The following COL17A1 variants were observed in gnomAD, a reference collection of about 807,000 sequenced individuals.
COL17A1 encodes collagen alpha-1(XVII) chain.
In COL17A1, 181 loss-of-function variants were observed where a neutral mutation model predicts 218.4. That is an observed-to-expected ratio of 0.83 (90% CI 0.73 to 0.94). The LOEUF is 0.94. COL17A1 is among the 40% of genes least tolerant of loss of function. COL17A1 has a pLI of 0.00. For synonymous variants in COL17A1, 721 were observed against 731.0 expected (o/e 0.99, Z 0.22); for missense variants, 1,924 against 1,945.9 (o/e 0.99, Z 0.21).
chr10:104,063,829 A>G lies in COL17A1; in HGVS notation c.767-11T>C, dbSNP rs769394739. 25 of 1,613,996 alleles carry G rather than the reference A, an allele frequency of 1.5e-5. No homozygotes were observed. Among genetic ancestry groups the G allele is most frequent in the South Asian group, 9.9e-5 (9 of 91,086 alleles). ...TTGGAACTCCGAAGACTGCAGGGGCAAGGAGGAAGGCTGGTGAGAGGGACA... is the reference window on the plus strand; with the variant it reads ...TTGGAACTCCGAAGACTGCAGGGGCGAGGAGGAAGGCTGGTGAGAGGGACA... On this transcript the variant is annotated splice_polypyrimidine_tract_variant and intron_variant, in intron 10 of 55. Coordinates refer to ENST00000648076, the MANE Select transcript of COL17A1 (RefSeq NM_000494.4).
At chr10:104,070,853 A>G (rs1564684974) in intron 8 of COL17A1, among the ~76,000 whole-genome samples, 1 of 152,158 alleles carries the variant, frequency 6.6e-6, no homozygotes, top group Non-Finnish European at 1.5e-5. Context: ...ACATCACAGG[A>G]ATGATTCTGT....
intron 33 of COL17A1, 104 bp from the exon 34 acceptor site, chr10:104,043,964 G>A: frequency 8.0e-7 from 1 of 1,249,784 alleles, no homozygotes; most frequent in Non-Finnish European, 1.2e-6. Flanking sequence ...CCACTTCTGG[G>A]CCTCTCACCA....
Position 104,039,796 on chromosome 10 carries a change from G to A in COL17A1, c.2789-156C>T, listed in dbSNP as rs11191904. ...CACACACACACACACACACACACACGCACACGCACACTTGCACTACACCCA... is the reference window on the plus strand; with the variant it reads ...CACACACACACACACACACACACACACACACGCACACTTGCACTACACCCA... On this transcript the variant is annotated intron_variant, in intron 41 of 55. Transcript: ENST00000648076. Among the ~76,000 whole-genome samples the A allele has an allele frequency of 0.04, 5,114 of 127,918 alleles. 109 individuals are homozygous for A. The highest frequency in any genetic ancestry group is 0.047 in the Non-Finnish European group (2,945 of 62,732). The allele number at this position is 127,918 out of a possible 152,430, so 83.9% of individuals were successfully genotyped here.
At chr10:104,050,690 C>T in intron 26 of COL17A1, 34 bp from the exon 27 acceptor site, 1 of 1,614,128 alleles carries the variant, frequency 6.2e-7, no homozygotes, top group Non-Finnish European at 8.5e-7. Context: ...GTGTAAAATG[C>T]CCTACAAGGG....
At chr10:104,049,592 G>C in intron 28 of COL17A1, 121 bp from the exon 29 acceptor site, 1 of 1,016,344 alleles carries the variant, frequency 9.8e-7, no homozygotes, top group Non-Finnish European at 1.5e-6. Context: ...TCCAAGGTCA[G>C]GGCCACTTGG....
intron 18 of COL17A1, 43 bp from the exon 19 acceptor site, chr10:104,055,444 T>TCA (rs1554849247): frequency 0.12 from 127,447 of 1,091,834 alleles, 1,600 homozygotes; most frequent in South Asian, 0.15. Context: ...ACATCTCCTG[T>TCA]CACACACACA....
Position 104,040,343 on chromosome 10 carries a change from GT to G in COL17A1, c.2761+7del, listed in dbSNP as rs2086346071. 1.9e-6 allele frequency: 3 copies of G among 1,597,120 alleles called. No individual in the cohort carries two copies. The highest frequency in any genetic ancestry group is 2.6e-6 in the Non-Finnish European group (3 of 1,164,576). On this transcript the variant is annotated splice_region_variant and intron_variant, in intron 40 of 55. Transcript: ENST00000648076. ...TGGCTTCTGGGTTCCCTGATACACT[GT>G]TCTCACCTTGGTCTCCCTTGGGACC... is the stretch of plus-strand genomic sequence containing the variant.
chr10:104,042,138 C>T (rs777219281), intron 36 of COL17A1, among the ~76,000 whole-genome samples: 10 of 152,290 alleles, frequency 6.6e-5, no homozygotes, highest in South Asian at 2.1e-4. Flanking sequence ...AACCCACAGA[C>T]GGTTGTCATT....
chr10:104,073,618 A>G (rs2086685642), intron 6 of COL17A1, among the ~76,000 whole-genome samples: 1 of 152,220 alleles, frequency 6.6e-6, no homozygotes, highest in African/African-American at 2.4e-5. Flanking sequence ...CGAGACTGCC[A>G]TGGTTTCCCC....
chr10:104,060,410 T>C, intron 13 of COL17A1, 130 bp from the exon 14 acceptor site: 1 of 1,296,976 alleles, frequency 7.7e-7, no homozygotes, highest in Non-Finnish European at 1.1e-6. Context: ...TGTATGAGGG[T>C]CTCTTGTTCT....
chr10:104,073,862 T>C, intron 6 of COL17A1: 1 of 355,226 alleles, frequency 2.8e-6, no homozygotes, highest in Non-Finnish European at 5.4e-6. Context: ...GGGAGGCCTC[T>C]GTGCATCTCA....
intron 24 of COL17A1, among the ~76,000 whole-genome samples, chr10:104,051,870 C>T (rs2086472804): frequency 1.3e-5 from 2 of 152,152 alleles, no homozygotes; most frequent in Admixed American, 1.3e-4. Flanking sequence ...CTTCTGATTT[C>T]CTGAATGATC....
chr10:104,083,056 G>A lies in COL17A1; in HGVS notation c.-11-2372C>T, dbSNP rs115435765. Among the ~76,000 whole-genome samples, 530 of 152,330 alleles carry A rather than the reference G, an allele frequency of 3.5e-3. 8 individuals are homozygous for A. Among genetic ancestry groups the A allele is most frequent in the African/African-American group, 0.012 (490 of 41,570 alleles). ...TTCCACAGCCAATCTGAGGTGCCAG[G>A]TACGTGTTGGGAGACTGATTCCTTT... On this transcript the variant is annotated intron_variant, in intron 1 of 55. Coordinates refer to ENST00000648076, the MANE Select transcript of COL17A1 (RefSeq NM_000494.4).
intron 24 of COL17A1, 138 bp downstream of exon 24, chr10:104,052,017 A>T: frequency 1.7e-6 from 2 of 1,155,936 alleles, no homozygotes; most frequent in South Asian, 1.2e-5. Context: ...TGCTCTTTGG[A>T]CCCACCCACC....
intron 54 of COL17A1, 43 bp from the exon 55 acceptor site, chr10:104,032,797 G>A (rs1253160411): frequency 6.2e-7 from 1 of 1,610,542 alleles, no homozygotes; most frequent in Non-Finnish European, 8.5e-7. Context: ...ACATGAGTCT[G>A]GGGACTGAGG....
chr10:104,080,544 T>C, intron 2 of COL17A1, 78 bp downstream of exon 2: 3 of 1,514,386 alleles, frequency 2.0e-6, no homozygotes, highest in Non-Finnish European at 9.0e-7. Flanking sequence ...GAATTATTAA[T>C]GAATTACTTA....
At position 104,041,485 on chromosome 10, in the gene COL17A1, C is replaced by T; in HGVS notation, c.2605G>A (p.Gly869Arg). 6.2e-7 allele frequency: 1 copy of T among 1,609,868 alleles called. No homozygotes were observed. ...TTCCAAAGGTCTCCAAGATACTCAC[C>T]TGGTGGCCCGCGTGGGCCGGGTGGG... ...PGPPGPRGPP[G>R]PSIPGPPGPR... The change falls in exon 37 of 56, where the codon GGG becomes AGG. Residue 869 changes from glycine to arginine, a missense_variant and splice_region_variant. Gly to Arg is a moderately radical substitution (Grantham distance 125). Transcript: ENST00000648076.
At chr10:104,056,035 A>C (rs748440015) in intron 17 of COL17A1, 32 bp from the exon 18 acceptor site, 19 of 1,613,124 alleles carry the variant, frequency 1.2e-5, no homozygotes, top group Admixed American at 5.0e-5. Context: ...TGCGTCACTG[A>C]GGGCCCGGTC....
At chr10:104,067,142 G>A (rs1328597999) in intron 9 of COL17A1, among the ~76,000 whole-genome samples, 1 of 152,132 alleles carries the variant, frequency 6.6e-6, no homozygotes, top group East Asian at 1.9e-4. Context: ...CAGCTGAGCA[G>A]AAATTCCTAA....
Sources: gnomAD v4.1 joint callset for allele counts (sites outside exome capture counted in the v4.1 genomes callset) on GRCh38, gnomAD v4.1.1 for gene constraint, MANE v1.5 for transcripts, NCBI Gene and HGNC (gene_info 2026-07-23, HGNC 2026-07-21) for gene names.